The following HAUS8 variants were observed in gnomAD, a reference collection of about 807,000 sequenced individuals.
HAUS8 encodes the protein HAUS augmin-like complex subunit 8.
In HAUS8, 38 loss-of-function variants were observed where a neutral mutation model predicts 42.9. That is an observed-to-expected ratio of 0.89 (90% CI 0.68 to 1.16). HAUS8 has a LOEUF of 1.16. Among genes scored for constraint, HAUS8 ranks in the 50% most tolerant of loss-of-function variants. The probability of loss-of-function intolerance (pLI) is 0.00; values close to 1 mark genes in which losing one functional copy is unlikely to be tolerated. For synonymous variants in HAUS8, 199 were observed against 205.8 expected, an observed-to-expected ratio of 0.97 and a Z score of 0.28; for missense variants, 494 against 511.6, an observed-to-expected ratio of 0.97 and a Z score of 0.33.
chr19:17,070,125 A>C (rs1599991546), intron 2 of HAUS8, among the ~76,000 whole-genome samples: 2 of 143,970 alleles, frequency 1.4e-5, no homozygotes, highest in African/African-American at 5.2e-5. Flanking sequence ...GACAGCAAAC[A>C]CCCCAAGTTC....
intron 3 of HAUS8, among the ~76,000 whole-genome samples, chr19:17,068,236 CCT>C (rs907218121): frequency 6.6e-6 from 1 of 151,720 alleles, no homozygotes; most frequent in Non-Finnish European, 1.5e-5. Context: ...GCCTCAGCCT[CCT>C]GAGTAGCTGG....
intron 3 of HAUS8, among the ~76,000 whole-genome samples, chr19:17,068,321 C>T (rs1019945719): frequency 2.2e-4 from 33 of 152,034 alleles, no homozygotes; most frequent in African/African-American, 7.2e-4. Context: ...GCCATGTTGG[C>T]CAGGCTGGTC....
chr19:17,052,849 G>A lies in HAUS8; in HGVS notation c.905C>T (p.Ala302Val), dbSNP rs746189355. 9.9e-6 allele frequency: 16 copies of A among 1,613,966 alleles called. No homozygotes were observed. Among genetic ancestry groups the A allele is most frequent in the Admixed American group, 8.3e-5 (5 of 59,970 alleles). ...DLLSELKDVT[A>V]KKDLELRRSF... ...CCTTCGGAGCTCAAGGTCCTTTTTC[G>A]CCGTCACGTCCTTGAGTTCGCTCAG... The change falls in exon 10 of 11, where the codon GCG (alanine) becomes GTG (valine). Residue 302 changes from alanine to valine, a missense_variant. Coordinates refer to ENST00000253669, the MANE Select transcript of HAUS8 (RefSeq NM_033417.2).
At position 17,061,266 on chromosome 19, in the gene HAUS8, G is replaced by GA. The variant is rs539855318; in HGVS notation, c.230-1175dup. Among the ~76,000 whole-genome samples the GA allele has an allele frequency of 2.6e-4, 40 of 152,120 alleles. 1 individual carries two copies. The South Asian group carries it at 8.3e-3, about 32-fold the overall frequency. ...CCACTTCAGCCTCCTGGGTAACTGA[G>GA]AATACAGGCAAGTGTCACCATGCCC... On this transcript the variant is annotated intron_variant, in intron 4 of 10. Transcript: ENST00000253669.
chr19:17,055,966 G>A lies in HAUS8; in HGVS notation c.682C>T (p.Arg228Cys), dbSNP rs779563243. 1.2e-5 allele frequency: 19 copies of A among 1,613,992 alleles called. No homozygotes were observed. Among genetic ancestry groups the A allele is most frequent in the Middle Eastern group, 3.3e-4 (2 of 6,084 alleles). ...AATGTCCTGTATTGCTCCTTGAAGC[G>A]TGTGGCCACTGCCTCGAAGGGGCTG... Reference protein sequence around the residue: ...MLSPFEAVATRFKEQYRTFAT... With the variant: ...MLSPFEAVATCFKEQYRTFAT... Residue 228 changes from arginine (R) to cysteine (C), a missense_variant, in exon 9 of 11, where the codon CGC becomes TGC. Coordinates refer to ENST00000253669, the MANE Select transcript of HAUS8 (RefSeq NM_033417.2).
chr19:17,056,780 G>A (rs1213990271), intron 8 of HAUS8, among the ~76,000 whole-genome samples: 4 of 151,842 alleles, frequency 2.6e-5, no homozygotes, highest in South Asian at 2.1e-4. Context: ...TAGTAGAGAC[G>A]GGGTTTCACC....
intron 3 of HAUS8, among the ~76,000 whole-genome samples, chr19:17,063,333 TGG>T (rs1343647997): frequency 1.3e-5 from 2 of 152,152 alleles, no homozygotes; most frequent in Admixed American, 1.3e-4. Flanking sequence ...CACCCCATCC[TGG>T]GAGACAGAGC....
chr19:17,059,707 G>T, intron 5 of HAUS8, 56 bp from the exon 6 acceptor site: 1 of 1,242,736 alleles, frequency 8.0e-7, no homozygotes, highest in Non-Finnish European at 1.2e-6. Flanking sequence ...CTGGTCCCTG[G>T]TTGCCATTTT....
intron 8 of HAUS8, among the ~76,000 whole-genome samples, chr19:17,057,678 G>T (rs1244613299): frequency 6.6e-6 from 1 of 152,052 alleles, no homozygotes; most frequent in Non-Finnish European, 1.5e-5. Context: ...TAGCTGCACG[G>T]GTGCTCACAT....
At chr19:17,073,468 T>G (rs540335611) in intron 1 of HAUS8, 133 bp from the exon 2 acceptor site, 24 of 814,660 alleles carry the variant, frequency 2.9e-5, no homozygotes, top group Middle Eastern at 7.1e-4. Flanking sequence ...TCAGTGAGGG[T>G]GGGCCACCTC....
At chr19:17,066,477 T>C (rs1429302683) in intron 3 of HAUS8, among the ~76,000 whole-genome samples, 1 of 152,194 alleles carries the variant, frequency 6.6e-6, no homozygotes, top group Non-Finnish European at 1.5e-5. Flanking sequence ...GCAAATTAAC[T>C]GAACCCAAAG....
chr19:17,057,869 G>A (rs1033930724), intron 8 of HAUS8, among the ~76,000 whole-genome samples: 1 of 152,186 alleles, frequency 6.6e-6, no homozygotes, highest in Non-Finnish European at 1.5e-5. Flanking sequence ...CTGGTGTCTT[G>A]TGGGGAAAGG....
chr19:17,065,818 T>C (rs548565795), intron 3 of HAUS8, among the ~76,000 whole-genome samples: 8 of 117,190 alleles, frequency 6.8e-5, no homozygotes, highest in Non-Finnish European at 1.2e-4. Context: ...AGCGAGGCTC[T>C]ATCTCAAAAA....
At position 17,059,630 on chromosome 19, in the gene HAUS8, GTC is replaced by G; in HGVS notation, c.345_346del (p.Lys115AsnfsTer13). ...TGATATTGTTTTTGCTAACTGTGGC[GTC>G]TTTTTGACGATGCTTTTGTCTAAGA... On this transcript the variant is annotated frameshift_variant, in exon 6 of 11. Coordinates refer to ENST00000253669, the MANE Select transcript of HAUS8 (RefSeq NM_033417.2). LOFTEE classifies it high-confidence loss of function. 6.2e-7 allele frequency: 1 copy of G among 1,613,358 alleles called. No homozygotes were observed. Among genetic ancestry groups the G allele is most frequent in the Middle Eastern group, 1.7e-4 (1 of 6,060 alleles).
chr19:17,055,146 ATATATATATATATATATATAT>A (rs2057316145), intron 9 of HAUS8: 6 of 3,994 alleles, frequency 1.5e-3, no homozygotes, highest in African/African-American at 2.1e-3. Flanking sequence ...AAAAAAAAAT[ATATATATATATATATATATAT>A]ATATATATAT....
chr19:17,060,085 G>A lies in HAUS8; in HGVS notation c.237C>T (p.Ser79=). The change falls in exon 5 of 11, where the codon AGC becomes AGT. Residue 79 remains serine, a synonymous_variant. Coordinates refer to ENST00000253669, the MANE Select transcript of HAUS8 (RefSeq NM_033417.2). ...SSLLQKSKAD[S]SGVGKGDLQS... is the part of the protein sequence containing the mutation. ...GCAGGTCACCCTTTCCGACCCCACT[G>A]CTATCTGCTGTTAAGAAAAGAATCC... 2.5e-6 allele frequency: 4 copies of A among 1,608,486 alleles called. No homozygotes were observed. The highest frequency in any genetic ancestry group is 3.4e-6 in the Non-Finnish European group (4 of 1,175,060).
chr19:17,064,702 A>G (rs1157984010), intron 3 of HAUS8, among the ~76,000 whole-genome samples: 1 of 152,236 alleles, frequency 6.6e-6, no homozygotes, highest in Non-Finnish European at 1.5e-5. Context: ...ACATCACACC[A>G]TACACAAAAA....
Position 17,058,807 on chromosome 19 carries a change from T to C in HAUS8, c.486+4A>G, listed in dbSNP as rs756908604. On this transcript the variant is annotated splice_donor_region_variant and intron_variant, in intron 7 of 10. Coordinates refer to ENST00000253669, the MANE Select transcript of HAUS8 (RefSeq NM_033417.2). ...GGCATACGTGAACAAGAAACTGTTTTCACCTTTACGGATAGTAGCGTCAGC... is the reference window on the plus strand; with the variant it reads ...GGCATACGTGAACAAGAAACTGTTTCCACCTTTACGGATAGTAGCGTCAGC... 2 of 1,612,884 alleles carry C rather than the reference T, an allele frequency of 1.2e-6. No individual in the cohort carries two copies. Among genetic ancestry groups the C allele is most frequent in the African/African-American group, 1.3e-5 (1 of 74,880 alleles).
Position 17,061,157 on chromosome 19 carries a change from GTCTTGCTC to G in HAUS8, c.230-1073_230-1066del, listed in dbSNP as rs1435680955. Among the ~76,000 whole-genome samples the G allele has an allele frequency of 3.3e-5, 5 of 149,900 alleles. No individual in the cohort carries two copies. In the East Asian group the frequency reaches 7.8e-4, roughly 23 times the overall value. On this transcript the variant is annotated intron_variant, in intron 4 of 10. Transcript: ENST00000253669. Reference sequence around the variant, plus strand: ...TCTTTTTTTTTTTTTTTGAGACAGGGTCTTGCTCTGTCACCCAGGCTGGAGTGCAGTGG... The same window carrying G: ...TCTTTTTTTTTTTTTTTGAGACAGGGTGTCACCCAGGCTGGAGTGCAGTGG...
Sources: gnomAD v4.1 joint callset for allele counts (sites outside exome capture counted in the v4.1 genomes callset) on GRCh38, gnomAD v4.1.1 for gene constraint, MANE v1.5 for transcripts, NCBI Gene and HGNC (gene_info 2026-07-23, HGNC 2026-07-21) for gene names.